MRPL42: variants seen among roughly 807,000 people sequenced by gnomAD.
MRPL42 encodes large ribosomal subunit protein mL42.
A neutral mutation model predicts 17.9 loss-of-function variants in MRPL42; 17 were observed. That is an observed-to-expected ratio of 0.95 (90% CI 0.65 to 1.42). The LOEUF is 1.42. Ranked by LOEUF, MRPL42 falls within the 40% of genes most tolerant of loss-of-function variation. The probability of loss-of-function intolerance (pLI) is 0.00; values close to 1 mark genes in which losing one functional copy is unlikely to be tolerated. For missense variants in MRPL42, 177 were observed against 175.2 expected (o/e 1.01, Z -0.06); for synonymous variants, 59 against 54.4 (o/e 1.08, Z -0.37).
chr12:93,467,734 G>A (rs913553008), intron 1 of MRPL42, among the ~76,000 whole-genome samples, 180 bp downstream of exon 1: 1 of 152,228 alleles, frequency 6.6e-6, no homozygotes, highest in African/African-American at 2.4e-5. Flanking sequence ...GTTTCTTATA[G>A]CGCCCCCTTT....
chr12:93,475,767 G>C (rs141580684), intron 2 of MRPL42, among the ~76,000 whole-genome samples: 1 of 151,980 alleles, frequency 6.6e-6, no homozygotes, highest in Non-Finnish European at 1.5e-5. Context: ...GGTGGATCAC[G>C]AGGTCAGGAG....
At chr12:93,489,261 A>G (rs552036384) in intron 5 of MRPL42, among the ~76,000 whole-genome samples, 98 of 152,258 alleles carry the variant, frequency 6.4e-4, no homozygotes, top group African/African-American at 2.2e-3. Context: ...AACTTCACAG[A>G]TAGAGGAAAC....
At chr12:93,473,124 A>G (rs1249022400) in intron 2 of MRPL42, among the ~76,000 whole-genome samples, 1 of 152,236 alleles carries the variant, frequency 6.6e-6, no homozygotes, top group Non-Finnish European at 1.5e-5. Flanking sequence ...TACAGAAATT[A>G]TTGTTAATTG....
rs976729956 is a variant in MRPL42 at position 93,479,868 on chromosome 12, T to G, written c.219+396T>G. Among the ~76,000 whole-genome samples the G allele has an allele frequency of 4.5e-5, 5 of 112,326 alleles. No individual in the cohort carries two copies. In the Admixed American group the frequency reaches 4.7e-4, roughly 11 times the overall value. The allele number at this position is 112,326 out of a possible 152,430, so 73.7% of individuals were successfully genotyped here. ...ACAGCTACTTTTTTACTATTGGTTCTGACAGTTTTTTTTTTTTTTTAACAT... is the reference window on the plus strand; with the variant it reads ...ACAGCTACTTTTTTACTATTGGTTCGGACAGTTTTTTTTTTTTTTTAACAT... On this transcript the variant is annotated intron_variant, in intron 4 of 5. Transcript: ENST00000549982.
intron 4 of MRPL42, among the ~76,000 whole-genome samples, chr12:93,485,525 T>C (rs1234724438): frequency 6.7e-6 from 1 of 148,480 alleles, no homozygotes; most frequent in African/African-American, 2.5e-5. Flanking sequence ...AGTGGTAGAA[T>C]GTAGTTGTCA....
chr12:93,469,865 A>G (rs558551439), intron 2 of MRPL42, among the ~76,000 whole-genome samples: 12 of 152,268 alleles, frequency 7.9e-5, no homozygotes, highest in African/African-American at 2.4e-4. Context: ...TGGACCAAAC[A>G]GTGGTTATCT....
At chr12:93,481,019 T>C (rs974259073) in intron 4 of MRPL42, among the ~76,000 whole-genome samples, 1 of 152,196 alleles carries the variant, frequency 6.6e-6, no homozygotes, top group Non-Finnish European at 1.5e-5. Flanking sequence ...GGTCACACTA[T>C]GTTGTGCCTT....
In MRPL42 at chr12:93,507,238, T is replaced by G. The variant is rs1953681220; in HGVS notation, c.*6017T>G. 1 of 152,190 alleles carries G rather than the reference T, an allele frequency of 6.6e-6. No individual in the cohort carries two copies. The highest frequency in any genetic ancestry group is 2.4e-5 in the African/African-American group (1 of 41,438). 9.4% of individuals were successfully genotyped at this position (152,190 alleles called of 1,614,324 possible). On this transcript the variant is annotated 3_prime_UTR_variant, in exon 6 of 6. Transcript: ENST00000549982. ...CATTCCACTGGATGTGCCCCTGAAA[T>G]CATATATTTACTACTAAAACCATTA...
intron 2 of MRPL42, among the ~76,000 whole-genome samples, chr12:93,475,046 T>C (rs1002850419): frequency 2.0e-5 from 3 of 151,912 alleles, no homozygotes; most frequent in African/African-American, 7.3e-5. Context: ...TGAGCTGAGA[T>C]AGACAACTCT....
chr12:93,486,745 A>G (rs1182301868), intron 4 of MRPL42, among the ~76,000 whole-genome samples: 4 of 152,230 alleles, frequency 2.6e-5, no homozygotes, highest in Admixed American at 2.6e-4. Flanking sequence ...CATAATTTAT[A>G]CCTTTGAGAA....
At chr12:93,483,277 A>G (rs1040718051) in intron 4 of MRPL42, among the ~76,000 whole-genome samples, 3 of 152,194 alleles carry the variant, frequency 2.0e-5, no homozygotes, top group East Asian at 1.9e-4. Context: ...GCATTTCTGT[A>G]GTACAGTCAT....
At chr12:93,474,279 T>C (rs937472616) in intron 2 of MRPL42, among the ~76,000 whole-genome samples, 1 of 152,010 alleles carries the variant, frequency 6.6e-6, no homozygotes, top group African/African-American at 2.4e-5. Flanking sequence ...TTTTTTTAAT[T>C]TATATTTTTT....
intron 4 of MRPL42, among the ~76,000 whole-genome samples, chr12:93,483,043 C>T (rs978963214): frequency 8.5e-5 from 13 of 152,258 alleles, no homozygotes; most frequent in Admixed American, 2.0e-4. Flanking sequence ...TACAGGCACT[C>T]GTGACCACGC....
At chr12:93,471,401 T>C (rs543653222) in intron 2 of MRPL42, among the ~76,000 whole-genome samples, 169 of 152,204 alleles carry the variant, frequency 1.1e-3, no homozygotes, top group Admixed American at 1.7e-3. Flanking sequence ...CAACCTTAAA[T>C]GATCCTCCTG....
In MRPL42 at chr12:93,479,476, T is replaced by C; in HGVS notation, c.219+4T>C. On this transcript the variant is annotated splice_donor_region_variant and intron_variant, in intron 4 of 5. Transcript: ENST00000549982. ...CATTCCATATGAACACACAAAAGTATGTATGAGAAAATTTCTTGCAGTTTT... is the reference window on the plus strand; with the variant it reads ...CATTCCATATGAACACACAAAAGTACGTATGAGAAAATTTCTTGCAGTTTT... 1.9e-6 allele frequency: 3 copies of C among 1,596,010 alleles called. No individual in the cohort carries two copies. Among genetic ancestry groups the C allele is most frequent in the East Asian group, 4.5e-5 (2 of 44,706 alleles).
Position 93,510,823 on chromosome 12 carries a change from T to A in MRPL42, c.*9602T>A, listed in dbSNP as rs1439460184. 6.6e-6 allele frequency: 1 copy of A among 152,232 alleles called. No homozygotes were observed. The highest frequency in any genetic ancestry group is 2.4e-5 in the African/African-American group (1 of 41,458). The allele number at this position is 152,232 out of a possible 1,614,324, so 9.4% of individuals were successfully genotyped here. On this transcript the variant is annotated 3_prime_UTR_variant, in exon 6 of 6. Transcript: ENST00000549982. Reference sequence around the variant, plus strand: ...CTTTAAATATTTTGGATAAATCTTTTGTCAGATATATGCACTGGAAATATT... The same window carrying A: ...CTTTAAATATTTTGGATAAATCTTTAGTCAGATATATGCACTGGAAATATT...
Position 93,504,666 on chromosome 12 carries a change from C to T in MRPL42, c.*3445C>T, listed in dbSNP as rs1953647809. On this transcript the variant is annotated 3_prime_UTR_variant, in exon 6 of 6. Coordinates refer to ENST00000549982, the MANE Select transcript of MRPL42 (RefSeq NM_014050.4). ...TATTATGGGCTTATTTCCTTTGCAG[C>T]CCTTTACCATAATGTGTTTCTTCTA... 6.6e-6 allele frequency: 1 copy of T among 152,090 alleles called. No individual in the cohort carries two copies. Among genetic ancestry groups the T allele is most frequent in the Admixed American group, 6.6e-5 (1 of 15,264 alleles). 9.4% of individuals were successfully genotyped at this position (152,090 alleles called of 1,614,324 possible).
At position 93,507,946 on chromosome 12, in the gene MRPL42, TA is replaced by T. The variant is rs1310105074; in HGVS notation, c.*6736del. On this transcript the variant is annotated 3_prime_UTR_variant, in exon 6 of 6. Coordinates refer to ENST00000549982, the MANE Select transcript of MRPL42 (RefSeq NM_014050.4). ...GGGCAACATAGTGAGAGCCCATCTG[TA>T]AAAAAAAAAATTTTTTGAGATGGAG... is the stretch of plus-strand genomic sequence containing the variant. The T allele has an allele frequency of 1.2e-4, 18 of 149,376 alleles. No individual in the cohort carries two copies. Among genetic ancestry groups the T allele is most frequent in the Non-Finnish European group, 1.5e-4 (10 of 67,232 alleles). 9.3% of individuals were successfully genotyped at this position (149,376 alleles called of 1,614,324 possible).
At chr12:93,490,584 G>GT (rs1237488722) in intron 5 of MRPL42, among the ~76,000 whole-genome samples, 1 of 152,150 alleles carries the variant, frequency 6.6e-6, no homozygotes, top group African/African-American at 2.4e-5. Flanking sequence ...TTGGATTAAT[G>GT]TGAGTCATTT....
Sources: allele counts gnomAD v4.1 joint callset (sites outside exome capture counted in the v4.1 genomes callset), GRCh38; gene constraint gnomAD v4.1.1; transcripts MANE v1.5; gene names NCBI Gene and HGNC (gene_info 2026-07-23, HGNC 2026-07-21).